The following CDH12 variants were observed in gnomAD, a reference collection of about 807,000 sequenced individuals.
CDH12 encodes the protein cadherin 12, also known as cadherin-12.
Under a neutral mutation model 74.1 loss-of-function variants are expected in CDH12, and 41 were observed. That is an observed-to-expected ratio of 0.55 (90% CI 0.43 to 0.72). The LOEUF is 0.72. CDH12 is among the 30% of genes least tolerant of loss of function. CDH12 has a pLI of 0.00. For synonymous variants in CDH12, 399 were observed against 355.0 expected (o/e 1.12, Z -1.39); for missense variants, 945 against 977.2 (o/e 0.97, Z 0.44).
chr5:21,851,136 CA>C (rs533496009), intron 7 of CDH12, among the ~76,000 whole-genome samples: 14 of 151,022 alleles, frequency 9.3e-5, no homozygotes, highest in African/African-American at 2.9e-4. Context: ...AAGTAGAGCT[CA>C]GATCATTTAG....
chr5:22,519,493 G>A (rs1259003883), intron 1 of CDH12, among the ~76,000 whole-genome samples: 2 of 148,270 alleles, frequency 1.3e-5, no homozygotes, highest in Non-Finnish European at 3.0e-5. Context: ...GTGCAATCTC[G>A]GCTCACTGCA....
Position 21,817,009 on chromosome 5 carries a change from C to G in CDH12, c.938G>C (p.Gly313Ala). The change falls in exon 9 of 15, where the codon GGG becomes GCG. Residue 313 changes from glycine (G) to alanine (A), a missense_variant. Physicochemically the swap from Gly to Ala is moderately conservative, Grantham distance 60. This residue lies in a region of CDH12 where 791 missense variants were observed against 792.8 expected (regional missense o/e 1.00). Transcript: ENST00000382254. Reference protein sequence around the residue: ...EIEYNIVPGDGGNLFDIVTDE... With the variant: ...EIEYNIVPGDAGNLFDIVTDE... ...TGTGACGATGTCAAACAAATTTCCC[C>G]CATCTCCTGGAACAATATTGTATTC... 1 of 1,612,736 alleles carries G rather than the reference C, an allele frequency of 6.2e-7. No individual in the cohort carries two copies. The highest frequency in any genetic ancestry group is 8.5e-7 in the Non-Finnish European group (1 of 1,179,172).
chr5:22,459,940 C>A (rs114530672), intron 2 of CDH12, among the ~76,000 whole-genome samples: 1,754 of 152,180 alleles, frequency 0.012, 16 homozygotes, highest in South Asian at 0.037. Context: ...TGTACTCCAA[C>A]CGGGGCAACA....
At chr5:22,180,256 T>C (rs1318557417) in intron 4 of CDH12, among the ~76,000 whole-genome samples, 9 of 152,178 alleles carry the variant, frequency 5.9e-5, no homozygotes. Flanking sequence ...TCAGTCCTTT[T>C]AAATTTCAGC....
At chr5:22,593,280 T>A (rs1736436242) in intron 1 of CDH12, among the ~76,000 whole-genome samples, 1 of 152,058 alleles carries the variant, frequency 6.6e-6, no homozygotes, top group Non-Finnish European at 1.5e-5. Flanking sequence ...ATTTGTATAT[T>A]TGGCCTAATT....
intron 1 of CDH12, among the ~76,000 whole-genome samples, chr5:22,840,628 T>C (rs1392322461): frequency 2.0e-5 from 3 of 152,020 alleles, no homozygotes; most frequent in Non-Finnish European, 2.9e-5. Flanking sequence ...TGTTCTCATC[T>C]CTTGAAATAT....
intron 5 of CDH12, among the ~76,000 whole-genome samples, chr5:21,983,313 T>C (rs1202500964): frequency 2.0e-5 from 3 of 152,104 alleles, no homozygotes; most frequent in Admixed American, 6.6e-5. Flanking sequence ...CATCTGAAAT[T>C]GTATTCATTA....
chr5:22,770,207 G>T (rs1306774707), intron 1 of CDH12, among the ~76,000 whole-genome samples: 1 of 151,744 alleles, frequency 6.6e-6, no homozygotes, highest in East Asian at 1.9e-4. Context: ...AACAGGATTT[G>T]GAGAAAGAAA....
intron 3 of CDH12, among the ~76,000 whole-genome samples, chr5:22,215,007 C>A (rs1040315468): frequency 3.9e-5 from 6 of 152,040 alleles, no homozygotes; most frequent in Non-Finnish European, 8.8e-5. Context: ...GAGGGGAGAC[C>A]GTAGTCACAT....
chr5:22,831,446 G>A (rs900737723), intron 1 of CDH12, among the ~76,000 whole-genome samples: 1 of 151,154 alleles, frequency 6.6e-6, no homozygotes, highest in Non-Finnish European at 1.5e-5. Context: ...TGAGTGTTAT[G>A]TCTAGGTCTT....
rs537474481 is a variant in CDH12, at chr5:22,099,591, G to T, written c.-186-20729C>A. Among the ~76,000 whole-genome samples the T allele has an allele frequency of 1.0e-3, 152 of 152,176 alleles. 2 individuals carry two copies. The highest frequency in any genetic ancestry group is 3.2e-3 in the African/African-American group (132 of 41,528). Reference sequence around the variant, plus strand: ...AAACTTGTCATCCCTACTATCTTCTGTCTAGTCATACTCCTATTCACCGTT... The same window carrying T: ...AAACTTGTCATCCCTACTATCTTCTTTCTAGTCATACTCCTATTCACCGTT... On this transcript the variant is annotated intron_variant, in intron 4 of 14. Transcript: ENST00000382254.
At chr5:21,973,900 C>A (rs548272690) in intron 6 of CDH12, among the ~76,000 whole-genome samples, 99 of 152,014 alleles carry the variant, frequency 6.5e-4, no homozygotes, top group Non-Finnish European at 1.2e-3. Context: ...AACAGGCAAC[C>A]CCAAAAGTGT....
chr5:22,457,097 G>A (rs1013333198), intron 2 of CDH12, among the ~76,000 whole-genome samples: 3 of 152,132 alleles, frequency 2.0e-5, no homozygotes, highest in Admixed American at 6.5e-5. Context: ...GCTGAAACAT[G>A]AGTCTGAGTG....
At chr5:22,603,763 T>C (rs991535204) in intron 1 of CDH12, among the ~76,000 whole-genome samples, 1 of 152,012 alleles carries the variant, frequency 6.6e-6, no homozygotes, top group African/African-American at 2.4e-5. Flanking sequence ...GGTATGAAAA[T>C]AGGATTTTAT....
intron 5 of CDH12, among the ~76,000 whole-genome samples, chr5:22,039,265 C>T (rs991732231): frequency 1.3e-5 from 2 of 152,038 alleles, no homozygotes; most frequent in South Asian, 2.1e-4. Context: ...TCCAGAGTAC[C>T]TCTTCTTCTC....
At chr5:21,946,381 T>A (rs1476019200) in intron 6 of CDH12, among the ~76,000 whole-genome samples, 2 of 152,224 alleles carry the variant, frequency 1.3e-5, no homozygotes, top group African/African-American at 2.4e-5. Context: ...GTTAAGTTTT[T>A]AAGCCATTTC....
intron 3 of CDH12, among the ~76,000 whole-genome samples, chr5:22,375,661 A>G (rs1327536363): frequency 1.3e-5 from 2 of 152,298 alleles, no homozygotes; most frequent in African/African-American, 4.8e-5. Flanking sequence ...TTAAAAGAAG[A>G]CATACAAATG....
intron 2 of CDH12, among the ~76,000 whole-genome samples, chr5:22,462,421 C>T (rs1745558697): frequency 6.6e-6 from 1 of 152,148 alleles, no homozygotes; most frequent in South Asian, 2.1e-4. Flanking sequence ...GGGCTTCCTG[C>T]AACAAAGCCT....
chr5:22,317,210 C>T (rs987890330), intron 3 of CDH12, among the ~76,000 whole-genome samples: 8 of 151,850 alleles, frequency 5.3e-5, no homozygotes, highest in Non-Finnish European at 8.8e-5. Context: ...CCTAGCTACT[C>T]GGGAGGCTGA....
Sources: allele counts gnomAD v4.1 joint callset (sites outside exome capture counted in the v4.1 genomes callset), GRCh38; gene constraint gnomAD v4.1.1; regional missense constraint gnomAD v4.1.1; transcripts MANE v1.5; gene names NCBI Gene and HGNC (gene_info 2026-07-23, HGNC 2026-07-21).